The following SIM2 variants were observed in gnomAD, a reference collection of about 807,000 sequenced individuals.
SIM2 encodes the protein SIM bHLH transcription factor 2.
SIM2 carries 28 observed loss-of-function variants against 64.8 expected under a neutral mutation model. That is an observed-to-expected ratio of 0.43 (90% CI 0.32 to 0.59). SIM2 has a LOEUF of 0.59. Ranked by LOEUF, SIM2 falls within the 20% of genes least tolerant of loss-of-function variation. The pLI is 0.07. For synonymous variants in SIM2, 408 were observed against 391.1 expected (o/e 1.04, Z -0.51); for missense variants, 847 against 871.4 (o/e 0.97, Z 0.35).
At chr21:36,730,761 C>T (rs1369295820) in intron 6 of SIM2, among the ~76,000 whole-genome samples, 4 of 152,186 alleles carry the variant, frequency 2.6e-5, no homozygotes, top group Non-Finnish European at 4.4e-5. Context: ...TAAGCATTCC[C>T]CGATAAGCTG....
Position 36,737,748 on chromosome 21 carries a change from T to C in SIM2, c.851-3969T>C, listed in dbSNP as rs1056028691. Among the ~76,000 whole-genome samples the C allele has an allele frequency of 2.0e-5, 3 of 150,814 alleles. No individual in the cohort carries two copies. In the South Asian group the frequency reaches 6.3e-4, roughly 32 times the overall value. On this transcript the variant is annotated intron_variant, in intron 7 of 10. Coordinates refer to ENST00000290399, the MANE Select transcript of SIM2 (RefSeq NM_005069.6). ...GCCAAGGCGGGCGGGTCACTTGGGG[T>C]CAGGAGTTTGAGACCAGCCTGGCCA...
chr21:36,731,264 C>T (rs2088965002), intron 7 of SIM2, 113 bp downstream of exon 7: 1 of 699,002 alleles, frequency 1.4e-6, no homozygotes, highest in Non-Finnish European at 2.4e-6. Flanking sequence ...CCATGATACA[C>T]ACTTGAATCT....
chr21:36,709,349 C>G (rs2088640778), intron 2 of SIM2, 99 bp downstream of exon 2: 1 of 1,004,778 alleles, frequency 1.0e-6, no homozygotes, highest in Non-Finnish European at 1.5e-6. Context: ...GAGCGCCAGG[C>G]AGATCCAGAG....
At chr21:36,728,243 TC>T (rs996995448) in intron 6 of SIM2, among the ~76,000 whole-genome samples, 3 of 152,160 alleles carry the variant, frequency 2.0e-5, no homozygotes, top group Admixed American at 6.5e-5. Flanking sequence ...CCAACTGGTT[TC>T]CCCCTTGTTT....
chr21:36,719,747 G>A (rs2088797270), intron 3 of SIM2, 74 bp from the exon 4 acceptor site: 2 of 860,482 alleles, frequency 2.3e-6, no homozygotes, highest in South Asian at 1.3e-5. Flanking sequence ...GAGCACCTGT[G>A]ACACACCTTG....
Position 36,709,154 on chromosome 21 carries a change from C to G in SIM2, c.176-14C>G, listed in dbSNP as rs1168335276. 3 of 1,602,952 alleles carry G rather than the reference C, an allele frequency of 1.9e-6. No homozygotes were observed. The highest frequency in any genetic ancestry group is 2.6e-6 in the Non-Finnish European group (3 of 1,175,610). On this transcript the variant is annotated splice_polypyrimidine_tract_variant and intron_variant, in intron 1 of 10. Transcript: ENST00000290399. ...GCGCTGCAGTTTACCGATTTGCTTTCGTCCCTCGTCCAGGTTTAGGAGACG... is the reference window on the plus strand; with the variant it reads ...GCGCTGCAGTTTACCGATTTGCTTTGGTCCCTCGTCCAGGTTTAGGAGACG...
chr21:36,722,988 A>G, intron 4 of SIM2, 57 bp from the exon 5 acceptor site: 1 of 1,365,616 alleles, frequency 7.3e-7, no homozygotes, highest in Non-Finnish European at 1.0e-6. Flanking sequence ...CGGTTGGAAT[A>G]AGGATGGGGG....
At chr21:36,719,136 G>A (rs1036019209) in intron 3 of SIM2, among the ~76,000 whole-genome samples, 2 of 152,164 alleles carry the variant, frequency 1.3e-5, no homozygotes, top group Non-Finnish European at 2.9e-5. Context: ...AGACCCTCCC[G>A]CAGGGCACGC....
intron 1 of SIM2, among the ~76,000 whole-genome samples, chr21:36,708,512 A>C (rs1183352007): frequency 1.3e-5 from 2 of 152,190 alleles, no homozygotes; most frequent in Non-Finnish European, 2.9e-5. Context: ...CACCGCCGGC[A>C]GATTGGAGTC....
At chr21:36,728,457 G>A (rs529010652) in intron 6 of SIM2, among the ~76,000 whole-genome samples, 9 of 152,354 alleles carry the variant, frequency 5.9e-5, no homozygotes, top group East Asian at 5.8e-4. Context: ...GCTTTGCAGC[G>A]CCAGAGGGGG....
intron 1 of SIM2, among the ~76,000 whole-genome samples, chr21:36,704,281 A>C (rs1175521916): frequency 6.6e-6 from 1 of 152,212 alleles, no homozygotes; most frequent in African/African-American, 2.4e-5. Context: ...GGTGAGGAGA[A>C]ACTCACCCCT....
In SIM2 at chr21:36,737,124, T is replaced by C. The variant is rs1220021654; in HGVS notation, c.851-4593T>C. Reference sequence around the variant, plus strand: ...AAATGTTTTTGGTAAAGATGGGGTCTTGCTATGTTGCCCAGGCTGGGCTTA... The same window carrying C: ...AAATGTTTTTGGTAAAGATGGGGTCCTGCTATGTTGCCCAGGCTGGGCTTA... On this transcript the variant is annotated intron_variant, in intron 7 of 10. Transcript: ENST00000290399. Among the ~76,000 whole-genome samples, 7 of 152,192 alleles carry C rather than the reference T, an allele frequency of 4.6e-5. No individual in the cohort carries two copies. The East Asian group carries it at 1.4e-3, about 29-fold the overall frequency.
At chr21:36,736,009 A>G (rs1294743036) in intron 7 of SIM2, among the ~76,000 whole-genome samples, 1 of 152,168 alleles carries the variant, frequency 6.6e-6, no homozygotes, top group Non-Finnish European at 1.5e-5. Context: ...TGGCCACTGC[A>G]GACCTGAGAC....
intron 7 of SIM2, among the ~76,000 whole-genome samples, chr21:36,737,961 C>CAAAAAA (rs61252184): frequency 0.048 from 1,640 of 34,078 alleles, 268 homozygotes; most frequent in Non-Finnish European, 0.068. Flanking sequence ...GACCCTGTCT[C>CAAAAAA]AAAAAAAAAA....
At chr21:36,711,101 A>G (rs1229081699) in intron 2 of SIM2, among the ~76,000 whole-genome samples, 3 of 152,212 alleles carry the variant, frequency 2.0e-5, no homozygotes, top group Non-Finnish European at 4.4e-5. Flanking sequence ...ATTTGAAGCT[A>G]CGAAGTCATA....
In SIM2 at chr21:36,748,233, T is replaced by G; in HGVS notation, c.*141T>G. The G allele has an allele frequency of 2.4e-6, 1 of 415,880 alleles. No homozygotes were observed. The highest frequency in any genetic ancestry group is 3.4e-6 in the Non-Finnish European group (1 of 293,964). 25.8% of individuals were successfully genotyped at this position (415,880 alleles called of 1,614,324 possible). ...GGACCCCGCCGCCGACTTGCGGATT[T>G]CCACCGCGGAGGCCCCGCGCGCCGG... On this transcript the variant is annotated 3_prime_UTR_variant, in exon 11 of 11. Transcript: ENST00000290399.
At chr21:36,709,372 T>G in intron 2 of SIM2, 122 bp downstream of exon 2, 1 of 828,714 alleles carries the variant, frequency 1.2e-6, no homozygotes, top group African/African-American at 1.7e-5. Context: ...TGCCGGGGGC[T>G]GGGGATGGGG....
intron 1 of SIM2, among the ~76,000 whole-genome samples, chr21:36,702,114 G>A (rs1191859271): frequency 1.3e-5 from 2 of 152,180 alleles, no homozygotes; most frequent in Non-Finnish European, 2.9e-5. Context: ...CTTTAAACCG[G>A]CTCTGTGCGT....
In SIM2 at chr21:36,726,888, G is replaced by C. The variant is rs2088899755; in HGVS notation, c.743+570G>C. On this transcript the variant is annotated intron_variant, in intron 6 of 10. Transcript: ENST00000290399. This position sits in a 1 kb window ranked among gnomAD's most constrained non-coding sequence, Gnocchi z 4.5. The stretch of plus-strand genomic sequence containing the variant: ...GGGCTGGGAGGAGGGGATTGGATGA[G>C]GTCATTTCTCCTGGCCTTGGGGAGT... Among the ~76,000 whole-genome samples, 2 of 152,292 alleles carry C rather than the reference G, an allele frequency of 1.3e-5. No homozygotes were observed. Among genetic ancestry groups the C allele is most frequent in the South Asian group, 4.2e-4 (2 of 4,816 alleles).
Sources: gnomAD v4.1 joint callset for allele counts (sites outside exome capture counted in the v4.1 genomes callset) on GRCh38, gnomAD v4.1.1 for gene constraint, Gnocchi (gnomAD v3.1) non-coding constraint, MANE v1.5 for transcripts, NCBI Gene and HGNC (gene_info 2026-07-23, HGNC 2026-07-21) for gene names.